Variants in ASAP1 observed in about 807,000 individuals in gnomAD.
The protein encoded by ASAP1 is ArfGAP with SH3 domain, ankyrin repeat and PH domain 1, also known as arf-GAP with SH3 domain, ANK repeat and PH domain-containing protein 1.
Under a neutral mutation model 145.2 loss-of-function variants are expected in ASAP1, and 43 were observed. That is an observed-to-expected ratio of 0.30 (90% CI 0.23 to 0.38). The LOEUF (loss-of-function observed/expected upper bound fraction) is 0.38, where lower values mean the gene tolerates loss of function less well. Ranked by LOEUF, ASAP1 falls within the 10% of genes least tolerant of loss-of-function variation. ASAP1 has a pLI of 1.00. For missense variants in ASAP1, 1,018 were observed against 1,355.3 expected (o/e 0.75, Z 3.91); for synonymous variants, 546 against 515.5 (o/e 1.06, Z -0.80).
chr8:130,357,200 C>A (rs902409601), intron 3 of ASAP1, among the ~76,000 whole-genome samples: 1 of 151,952 alleles, frequency 6.6e-6, no homozygotes, highest in African/African-American at 2.4e-5. Flanking sequence ...CTTGGCCCTG[C>A]CCCCCACCCC....
At chr8:130,132,388 T>C (rs1297552026) in intron 15 of ASAP1, among the ~76,000 whole-genome samples, 1 of 149,640 alleles carries the variant, frequency 6.7e-6, no homozygotes, top group Non-Finnish European at 1.5e-5. Flanking sequence ...ACCAACTCTA[T>C]ACCCATAACA....
At chr8:130,286,597 C>T (rs1008944240) in intron 3 of ASAP1, among the ~76,000 whole-genome samples, 2 of 152,062 alleles carry the variant, frequency 1.3e-5, no homozygotes, top group Non-Finnish European at 2.9e-5. Context: ...GTGAGCTTTG[C>T]GGTGAGGGTT....
At chr8:130,357,161 C>G (rs1370360875) in intron 3 of ASAP1, among the ~76,000 whole-genome samples, 1 of 152,240 alleles carries the variant, frequency 6.6e-6, no homozygotes, top group Non-Finnish European at 1.5e-5. Flanking sequence ...CATTAACTCA[C>G]TGAAAATCCT....
rs779798535 is a variant in ASAP1 at position 130,214,667 on chromosome 8, A to T, written c.294T>A (p.Val98=). 18 of 1,607,724 alleles carry T rather than the reference A, an allele frequency of 1.1e-5. No homozygotes were observed. The highest frequency in any genetic ancestry group is 1.4e-5 in the Non-Finnish European group (17 of 1,177,364). The part of the protein sequence containing the change: ...HVQNEENYAQ[V]LDKFGSNFLS... ...AAAAATTACTCCCAAACTTATCAAG[A>T]ACTTGTGCATAGTTTTCTTCATTTT... The change falls in exon 5 of 30, where the codon GTT becomes GTA. Residue 98 remains valine (V), a synonymous_variant. Coordinates refer to ENST00000518721, the MANE Select transcript of ASAP1 (RefSeq NM_018482.4).
At chr8:130,107,749 A>G (rs1441883265) in intron 24 of ASAP1, among the ~76,000 whole-genome samples, 2 of 151,634 alleles carry the variant, frequency 1.3e-5, no homozygotes, top group East Asian at 3.9e-4. Context: ...GGGTTTCACC[A>G]TATTGGCCAG....
At chr8:130,287,124 T>C (rs890039727) in intron 3 of ASAP1, among the ~76,000 whole-genome samples, 3 of 152,168 alleles carry the variant, frequency 2.0e-5, no homozygotes, top group African/African-American at 7.2e-5. Flanking sequence ...CAGAATTATC[T>C]GACTCTAATT....
chr8:130,256,408 T>TGG (rs1257361480), intron 3 of ASAP1, among the ~76,000 whole-genome samples: 17 of 53,532 alleles, frequency 3.2e-4, no homozygotes, highest in African/African-American at 1.1e-3. Flanking sequence ...ATCTGGGGGG[T>TGG]GGGGGGCGGT....
chr8:130,193,842 C>G (rs758972079), intron 5 of ASAP1, among the ~76,000 whole-genome samples: 68 of 152,206 alleles, frequency 4.5e-4, no homozygotes, highest in Non-Finnish European at 3.1e-4. Context: ...ACACACCAAA[C>G]ACAAACAGTA....
At chr8:130,319,320 A>T (rs1172668322) in intron 3 of ASAP1, among the ~76,000 whole-genome samples, 3 of 152,252 alleles carry the variant, frequency 2.0e-5, no homozygotes, top group South Asian at 2.1e-4. Flanking sequence ...TAAAATAAAA[A>T]AAGGAATAAA....
intron 4 of ASAP1, among the ~76,000 whole-genome samples, chr8:130,233,222 A>G (rs1818014343): frequency 6.6e-6 from 1 of 152,194 alleles, no homozygotes; most frequent in Non-Finnish European, 1.5e-5. Flanking sequence ...ACAGGTTACA[A>G]TGCTGGGATT....
chr8:130,385,915 C>G (rs1195966182), intron 2 of ASAP1, among the ~76,000 whole-genome samples: 7 of 152,200 alleles, frequency 4.6e-5, no homozygotes, highest in Non-Finnish European at 1.0e-4. Context: ...GTCTCACTTT[C>G]AACCTCTCCC....
At chr8:130,186,939 TGA>T (rs1814773890) in intron 7 of ASAP1, among the ~76,000 whole-genome samples, 1 of 152,204 alleles carries the variant, frequency 6.6e-6, no homozygotes, top group South Asian at 2.1e-4. Flanking sequence ...CTATCTATAA[TGA>T]GAGTCATAGC....
intron 8 of ASAP1, 146 bp from the exon 9 acceptor site, chr8:130,179,495 G>A (rs1306266046): frequency 2.3e-5 from 12 of 531,404 alleles, no homozygotes; most frequent in Non-Finnish European, 4.1e-5. Context: ...TGCTGATTTC[G>A]CAGTCACAAA....
At chr8:130,191,522 A>G (rs1044501086) in intron 5 of ASAP1, among the ~76,000 whole-genome samples, 1 of 151,244 alleles carries the variant, frequency 6.6e-6, no homozygotes, top group Non-Finnish European at 1.5e-5. Flanking sequence ...CTACCTGTGG[A>G]GAGCTCATAT....
intron 3 of ASAP1, among the ~76,000 whole-genome samples, chr8:130,284,191 C>A (rs372798999): frequency 6.6e-6 from 1 of 152,046 alleles, no homozygotes. Flanking sequence ...CCCTAAAGAA[C>A]AAATCCCTTT....
intron 8 of ASAP1, 68 bp from the exon 9 acceptor site, chr8:130,179,417 T>G (rs1002791171): frequency 2.2e-5 from 20 of 924,600 alleles, no homozygotes; most frequent in Non-Finnish European, 3.5e-5. Flanking sequence ...TGGGTTCAGG[T>G]GGCTGAACAT....
intron 3 of ASAP1, among the ~76,000 whole-genome samples, chr8:130,300,184 A>AGAGCGC (rs1554876476): frequency 7.6e-4 from 106 of 140,342 alleles, no homozygotes; most frequent in African/African-American, 2.7e-3. Context: ...AGAGAGAGAG[A>AGAGCGC]GAGCGAGCGA....
intron 24 of ASAP1, among the ~76,000 whole-genome samples, chr8:130,100,283 T>C (rs1282221207): frequency 6.6e-6 from 1 of 152,198 alleles, no homozygotes; most frequent in African/African-American, 2.4e-5. Flanking sequence ...GAGCATTTTT[T>C]CATATACTTA....
chr8:130,111,269 G>A (rs535468584), intron 24 of ASAP1, among the ~76,000 whole-genome samples: 1 of 144,472 alleles, frequency 6.9e-6, no homozygotes, highest in East Asian at 2.2e-4. Flanking sequence ...TGTGGTTCCA[G>A]CTACTTGGAA....
Sources: gnomAD v4.1 joint callset for allele counts (sites outside exome capture counted in the v4.1 genomes callset) on GRCh38, gnomAD v4.1.1 for gene constraint, MANE v1.5 for transcripts, NCBI Gene and HGNC (gene_info 2026-07-23, HGNC 2026-07-21) for gene names.